The following PKD1L3 variants were observed in gnomAD, a reference collection of about 807,000 sequenced individuals.
PKD1L3 encodes the protein polycystin-1-like protein 3.
Under a neutral mutation model 184.1 loss-of-function variants are expected in PKD1L3, and 239 were observed. The observed-to-expected ratio is 1.30, with a 90% CI of 1.17 to 1.45. The LOEUF (loss-of-function observed/expected upper bound fraction) is 1.45, where lower values mean the gene tolerates loss of function less well. PKD1L3 is among the 40% of genes most tolerant of loss of function. PKD1L3 has a pLI of 0.00. For synonymous variants in PKD1L3, 996 were observed against 778.8 expected (o/e 1.28, Z -4.64); for missense variants, 2,660 against 2,067.2 (o/e 1.29, Z -5.56).
At chr16:71,938,902 A>C (rs575113795) in intron 24 of PKD1L3, among the ~76,000 whole-genome samples, 111 of 152,318 alleles carry the variant, frequency 7.3e-4, no homozygotes, top group Admixed American at 2.8e-3. Context: ...GGACCCGCTG[A>C]GTGGTGGGAC....
intron 16 of PKD1L3, among the ~76,000 whole-genome samples, chr16:71,957,409 T>TA (rs1285477226): frequency 7.2e-5 from 11 of 151,810 alleles, no homozygotes; most frequent in Non-Finnish European, 1.2e-4. Context: ...AATTAAAAGA[T>TA]AGAGATTGGC....
chr16:71,985,907 G>C (rs2040341903), intron 5 of PKD1L3, among the ~76,000 whole-genome samples: 1 of 152,222 alleles, frequency 6.6e-6, no homozygotes, highest in Non-Finnish European at 1.5e-5. Context: ...AAGGCGGAGA[G>C]AGGGGACAGT....
chr16:71,956,835 A>T (rs1482060752), intron 16 of PKD1L3, among the ~76,000 whole-genome samples: 1 of 152,242 alleles, frequency 6.6e-6, no homozygotes, highest in Non-Finnish European at 1.5e-5. Flanking sequence ...TAATTTTAAA[A>T]GTTGTAAAAA....
chr16:71,954,039 GA>G, intron 17 of PKD1L3, 65 bp downstream of exon 17: 5 of 1,321,792 alleles, frequency 3.8e-6, no homozygotes, highest in Non-Finnish European at 5.0e-6. Flanking sequence ...AACAGAGCAA[GA>G]CCCTGTCTCA....
intron 6 of PKD1L3, among the ~76,000 whole-genome samples, chr16:71,982,939 C>T (rs2040217012): frequency 6.6e-6 from 1 of 151,960 alleles, no homozygotes; most frequent in South Asian, 2.1e-4. Flanking sequence ...GCTTAATATT[C>T]GTTATACATT....
At chr16:71,937,002 A>G (rs973216853) in intron 25 of PKD1L3, among the ~76,000 whole-genome samples, 16 of 152,206 alleles carry the variant, frequency 1.1e-4, no homozygotes, top group Admixed American at 3.3e-4. Context: ...GTCATTGTAG[A>G]GCTTCCCAAA....
In PKD1L3 at chr16:71,929,977, G is replaced by A. The variant is rs373187985; in HGVS notation, c.5058+75C>T. On this transcript the variant is annotated intron_variant, in intron 29 of 29. Coordinates refer to ENST00000620267, the MANE Select transcript of PKD1L3 (RefSeq NM_181536.2). ...TGTGCATTATAAATTATGTCAGCCCGTCATCTTAGGGGCAGTTACAGTGGA... is the reference window on the plus strand; with the variant it reads ...TGTGCATTATAAATTATGTCAGCCCATCATCTTAGGGGCAGTTACAGTGGA... 50 of 1,414,874 alleles carry A rather than the reference G, an allele frequency of 3.5e-5. No individual in the cohort carries two copies. In the East Asian group the frequency reaches 7.0e-4, roughly 20 times the overall value. 87.6% of individuals were successfully genotyped at this position (1,414,874 alleles called of 1,614,324 possible).
chr16:71,988,546 C>T (rs983305018), intron 4 of PKD1L3, among the ~76,000 whole-genome samples: 4 of 152,072 alleles, frequency 2.6e-5, no homozygotes, highest in African/African-American at 9.7e-5. Flanking sequence ...ATGTGGTGAT[C>T]GTGGTGACCA....
At chr16:71,943,117 G>A in intron 23 of PKD1L3, 93 bp from the exon 24 acceptor site, 1 of 1,064,044 alleles carries the variant, frequency 9.4e-7, no homozygotes, top group Non-Finnish European at 1.3e-6. Context: ...ATAGACTTAT[G>A]CAGGTCAAAA....
intron 2 of PKD1L3, among the ~76,000 whole-genome samples, chr16:71,994,978 A>T (rs2040733381): frequency 6.6e-6 from 1 of 152,164 alleles, no homozygotes; most frequent in Non-Finnish European, 1.5e-5. Context: ...ACAAGAGTAA[A>T]ACTCCATCTC....
In PKD1L3 at chr16:71,931,365, G is replaced by T. The variant is rs564809979; in HGVS notation, c.4927-1182C>A. 2.6e-5 allele frequency among the ~76,000 whole-genome samples: 4 copies of T among 151,808 alleles called. No individual in the cohort carries two copies. The East Asian group carries it at 7.7e-4, about 29-fold the overall frequency. ...GTATCTGAGAGAGATTGGCGCCAGG[G>T]CCCCCACAGGTACCAAAATCTGAGG... On this transcript the variant is annotated intron_variant, in intron 28 of 29. Coordinates refer to ENST00000620267, the MANE Select transcript of PKD1L3 (RefSeq NM_181536.2).
chr16:71,992,932 T>C (rs1191075104), intron 3 of PKD1L3, among the ~76,000 whole-genome samples: 1 of 152,238 alleles, frequency 6.6e-6, no homozygotes, highest in East Asian at 1.9e-4. Context: ...TGAAAGACTT[T>C]GCAAGAACTT....
intron 24 of PKD1L3, among the ~76,000 whole-genome samples, chr16:71,941,345 G>A (rs1421906269): frequency 6.6e-6 from 1 of 151,506 alleles, no homozygotes; most frequent in African/African-American, 2.4e-5. Context: ...AAATATTATA[G>A]AAAGAAAAAA....
At chr16:71,945,305 T>TACAC (rs377392088) in intron 22 of PKD1L3, among the ~76,000 whole-genome samples, 4 of 59,404 alleles carry the variant, frequency 6.7e-5, no homozygotes, top group African/African-American at 1.9e-4. Flanking sequence ...TATATATATA[T>TACAC]ACACACACAC....
intron 11 of PKD1L3, among the ~76,000 whole-genome samples, chr16:71,974,260 G>A (rs2039835870): frequency 1.3e-5 from 2 of 152,132 alleles, no homozygotes; most frequent in Admixed American, 1.3e-4. Context: ...AGGGGCTAAG[G>A]TGAGTCATCC....
At chr16:71,993,601 C>G (rs997398865) in intron 2 of PKD1L3, among the ~76,000 whole-genome samples, 1 of 152,132 alleles carries the variant, frequency 6.6e-6, no homozygotes, top group Non-Finnish European at 1.5e-5. Context: ...TATTGGAACA[C>G]TAGGCATGTG....
rs150353492 is a variant in PKD1L3, at chr16:71,962,398, C to A, written c.2612+807G>T. ...GGAGACATAGAAAGATACATGGATA[C>A]CTAGAAAGATACAGAAGTTGATACG... On this transcript the variant is annotated intron_variant, in intron 16 of 29. Transcript: ENST00000620267. Among the ~76,000 whole-genome samples the A allele has an allele frequency of 2.9e-3, 449 of 152,248 alleles. 26 individuals are homozygous for A. In the East Asian group the frequency reaches 0.07, roughly 24 times the overall value.
chr16:71,981,433 GATTTGC>G (rs1414010746), intron 7 of PKD1L3, among the ~76,000 whole-genome samples: 1 of 150,870 alleles, frequency 6.6e-6, no homozygotes, highest in East Asian at 1.9e-4. Flanking sequence ...TTTTAGTTTT[GATTTGC>G]ATTTCCCTAA....
Position 71,947,545 on chromosome 16 carries a change from G to T in PKD1L3, c.3665C>A (p.Pro1222Gln), listed in dbSNP as rs1185496289. The stretch of plus-strand genomic sequence containing the variant: ...TTGTTCATTCTCTTTGTTAAGCCGT[G>T]GCATCCTGCTCATCATCAGTGAGTA... ...FLYSLMMSRM[P>Q]RLNKENEQQT... The change falls in exon 22 of 30, where the codon CCA becomes CAA. Residue 1222 changes from proline to glutamine, a missense_variant. Physicochemically the swap from Pro to Gln is moderately conservative, Grantham distance 76. Coordinates refer to ENST00000620267, the MANE Select transcript of PKD1L3 (RefSeq NM_181536.2). 1 of 1,548,048 alleles carries T rather than the reference G, an allele frequency of 6.5e-7. No homozygotes were observed. The highest frequency in any genetic ancestry group is 2.4e-5 in the East Asian group (1 of 40,888).
Sources: gnomAD v4.1 joint callset for allele counts (sites outside exome capture counted in the v4.1 genomes callset) on GRCh38, gnomAD v4.1.1 for gene constraint, MANE v1.5 for transcripts, NCBI Gene and HGNC (gene_info 2026-07-23, HGNC 2026-07-21) for gene names.